The following KIR2DL3 variants were observed in gnomAD, a reference collection of about 807,000 sequenced individuals.
KIR2DL3 encodes the protein killer cell immunoglobulin like receptor, two Ig domains and long cytoplasmic tail 3, also known as killer cell immunoglobulin-like receptor 2DL3.
In KIR2DL3, 39 loss-of-function variants were observed where a neutral mutation model predicts 33.8. That is an observed-to-expected ratio of 1.15 (90% CI 0.89 to 1.51). The LOEUF (loss-of-function observed/expected upper bound fraction) is 1.51. Among genes scored for constraint, KIR2DL3 ranks in the 40% most tolerant of loss-of-function variants. KIR2DL3 has a pLI of 0.00. For synonymous variants in KIR2DL3, 174 were observed against 160.2 expected (o/e 1.09, Z -0.65); for missense variants, 462 against 426.2 (o/e 1.08, Z -0.74).
chr19:54,751,899 A>G lies in KIR2DL3; in HGVS notation c.820+146A>G, dbSNP rs953875215. On this transcript the variant is annotated intron_variant, in intron 6 of 7. Coordinates refer to ENST00000342376, the MANE Select transcript of KIR2DL3 (RefSeq NM_015868.3). ...GGGAGGACTTTCTAGAGAGAGCACCAGACTCCCTGTCCCTGCCTTCAGCTC... is the reference window on the plus strand; with the variant it reads ...GGGAGGACTTTCTAGAGAGAGCACCGGACTCCCTGTCCCTGCCTTCAGCTC... 1.3e-5 allele frequency: 10 copies of G among 765,480 alleles called. 2 individuals are homozygous for G. Among genetic ancestry groups the G allele is most frequent in the Non-Finnish European group, 1.8e-5 (9 of 488,838 alleles). 47.4% of individuals were successfully genotyped at this position (765,480 alleles called of 1,614,324 possible).
At chr19:54,746,752 G>A (rs1373581281) in intron 4 of KIR2DL3, among the ~76,000 whole-genome samples, 22 of 150,098 alleles carry the variant, frequency 1.5e-4, no homozygotes, top group Admixed American at 1.4e-3. Flanking sequence ...GGAGCCCAAG[G>A]CGGGTGGATC....
At chr19:54,750,646 C>G (rs1036500220) in intron 5 of KIR2DL3, among the ~76,000 whole-genome samples, 1 of 137,100 alleles carries the variant, frequency 7.3e-6, no homozygotes, top group Non-Finnish European at 1.6e-5. Context: ...CTCTAAATAC[C>G]TCCTGGACTG....
At position 54,752,660 on chromosome 19, in the gene KIR2DL3, A is replaced by C. The variant is rs2073664597; in HGVS notation, c.*141A>C. The C allele has an allele frequency of 1.7e-6, 2 of 1,166,126 alleles. 1 individual carries two copies. The highest frequency in any genetic ancestry group is 3.5e-5 in the African/African-American group (2 of 57,688). 72.2% of individuals were successfully genotyped at this position (1,166,126 alleles called of 1,614,324 possible). A position where few individuals can be genotyped will look rare whatever the true frequency, so the allele number is the denominator to read the frequency against. On this transcript the variant is annotated 3_prime_UTR_variant, in exon 8 of 8. Coordinates refer to ENST00000342376, the MANE Select transcript of KIR2DL3 (RefSeq NM_015868.3). ...ATCTGAAGGCGTGAGTCTGCATCTT[A>C]GGGCATCGCTCTTCCTCACACCACA...
At chr19:54,750,148 C>G (rs1205976000) in intron 5 of KIR2DL3, among the ~76,000 whole-genome samples, 2 of 127,642 alleles carry the variant, frequency 1.6e-5, no homozygotes, top group Non-Finnish European at 3.4e-5. Flanking sequence ...CTCTGTTCAT[C>G]GCAACAAAAA....
chr19:54,745,565 T>G (rs1240082591), intron 4 of KIR2DL3, among the ~76,000 whole-genome samples: 1 of 151,140 alleles, frequency 6.6e-6, no homozygotes. Flanking sequence ...GGTTTCCCCA[T>G]GTTGGCTGGG....
chr19:54,741,337 CT>C (rs1194696905), intron 2 of KIR2DL3, among the ~76,000 whole-genome samples: 1 of 150,742 alleles, frequency 6.6e-6, no homozygotes, highest in African/African-American at 2.4e-5. Flanking sequence ...GAGACTCTGT[CT>C]CCATAATTAA....
At chr19:54,741,413 G>T (rs1320192130) in intron 2 of KIR2DL3, among the ~76,000 whole-genome samples, 2 of 151,922 alleles carry the variant, frequency 1.3e-5, no homozygotes, top group African/African-American at 2.4e-5. Flanking sequence ...AGGGTGGGAT[G>T]ATGATGCCAC....
intron 3 of KIR2DL3, among the ~76,000 whole-genome samples, chr19:54,743,512 T>G (rs1233050479): frequency 6.6e-6 from 1 of 152,168 alleles, no homozygotes; most frequent in Non-Finnish European, 1.5e-5. Context: ...AAACTTAGAA[T>G]TTAAAAAAGT....
chr19:54,742,670 G>C (rs1426649433), intron 3 of KIR2DL3, among the ~76,000 whole-genome samples: 1 of 150,458 alleles, frequency 6.6e-6, no homozygotes, highest in Non-Finnish European at 1.5e-5. Flanking sequence ...TTTATGACCT[G>C]AGTTGGGCCC....
At chr19:54,744,647 C>G (rs2071936773) in intron 4 of KIR2DL3, among the ~76,000 whole-genome samples, 1 of 150,796 alleles carries the variant, frequency 6.6e-6, no homozygotes, top group Non-Finnish European at 1.5e-5. Context: ...CTGCTTCAGC[C>G]ACCTGAGTAG....
At chr19:54,746,916 T>C (rs1455218998) in intron 4 of KIR2DL3, among the ~76,000 whole-genome samples, 1 of 134,668 alleles carries the variant, frequency 7.4e-6, no homozygotes, top group African/African-American at 2.7e-5. Flanking sequence ...CAGGAGGCTG[T>C]GGTGGCAGTG....
At chr19:54,752,168 G>A (rs4020196) in intron 6 of KIR2DL3, 48 bp from the exon 7 acceptor site, 79,149 of 1,406,380 alleles carry the variant, frequency 0.056, 19,292 homozygotes, top group Middle Eastern at 0.11. Context: ...TGAAATGAGG[G>A]CCCAGAAGTG....
chr19:54,741,709 C>T (rs2071153728), intron 2 of KIR2DL3, among the ~76,000 whole-genome samples: 1 of 151,336 alleles, frequency 6.6e-6, no homozygotes. Flanking sequence ...GCAGGAAATA[C>T]ATTAGTGTGA....
intron 4 of KIR2DL3, among the ~76,000 whole-genome samples, chr19:54,745,419 G>C (rs2072306718): frequency 6.6e-6 from 1 of 151,634 alleles, no homozygotes; most frequent in Admixed American, 6.6e-5. Flanking sequence ...TGGAGTACAA[G>C]TGAAGTCATC....
intron 4 of KIR2DL3, among the ~76,000 whole-genome samples, chr19:54,745,340 G>C (rs1307199629): frequency 6.6e-6 from 1 of 152,008 alleles, no homozygotes; most frequent in Non-Finnish European, 1.5e-5. Context: ...TACTATGAAA[G>C]TTCTCTTTTT....
At chr19:54,744,344 G>A (rs1349078030) in intron 4 of KIR2DL3, among the ~76,000 whole-genome samples, 2 of 152,082 alleles carry the variant, frequency 1.3e-5, no homozygotes, top group South Asian at 4.1e-4. Flanking sequence ...AGAGGAGAGA[G>A]ACTGGGCTCA....
intron 4 of KIR2DL3, among the ~76,000 whole-genome samples, chr19:54,744,921 CATATATATATATATATATAT>C (rs1177112432): frequency 4.0e-5 from 1 of 25,254 alleles, no homozygotes; most frequent in Non-Finnish European, 7.7e-5. Flanking sequence ...CATATATAAA[CATATATATATATATATATAT>C]ATATATATAT....
Position 54,742,111 on chromosome 19 carries a change from G to T in KIR2DL3, c.202G>T (p.Asp68Tyr), listed in dbSNP as rs528413442. The change falls in exon 3 of 8, where the codon GAC (aspartate) becomes TAC (tyrosine). Residue 68 changes from aspartate to tyrosine, a missense_variant. By Grantham distance (160) the Asp-to-Tyr change is radical. Coordinates refer to ENST00000342376, the MANE Select transcript of KIR2DL3 (RefSeq NM_015868.3). ...FLLHREGKFK[D>Y]TLHLIGEHHD... The stretch of plus-strand genomic sequence containing the variant: ...TCTGCACAGAGAAGGGAAGTTTAAG[G>T]ACACTTTGCACCTCATTGGAGAGCA... 6.2e-7 allele frequency: 1 copy of T among 1,613,594 alleles called. No individual in the cohort carries two copies. The highest frequency in any genetic ancestry group is 8.5e-7 in the Non-Finnish European group (1 of 1,179,898).
At chr19:54,744,950 ATATATTTTTT>A (rs1279273378) in intron 4 of KIR2DL3, among the ~76,000 whole-genome samples, 38 of 26,762 alleles carry the variant, frequency 1.4e-3, no homozygotes, top group African/African-American at 4.6e-3. Context: ...ATATATATAT[ATATATTTTTT>A]TTTTTTTTTT....
Sources: allele counts gnomAD v4.1 joint callset (sites outside exome capture counted in the v4.1 genomes callset), GRCh38; gene constraint gnomAD v4.1.1; transcripts MANE v1.5; gene names NCBI Gene and HGNC (gene_info 2026-07-23, HGNC 2026-07-21).